DPP6: variants seen among roughly 807,000 people sequenced by gnomAD.
The protein encoded by DPP6 is A-type potassium channel modulatory protein DPP6.
A neutral mutation model predicts 122.6 loss-of-function variants in DPP6; 69 were observed. That is an observed-to-expected ratio of 0.56 (90% CI 0.46 to 0.69). The LOEUF is 0.69. DPP6 is among the 30% of genes least tolerant of loss of function. DPP6 has a pLI of 0.00. For synonymous variants in DPP6, 418 were observed against 433.1 expected, an observed-to-expected ratio of 0.97 and a Z score of 0.43; for missense variants, 928 against 1,116.9, an observed-to-expected ratio of 0.83 and a Z score of 2.41.
chr7:154,608,628 G>A (rs544260950), intron 5 of DPP6, among the ~76,000 whole-genome samples: 163 of 151,822 alleles, frequency 1.1e-3, no homozygotes, highest in Non-Finnish European at 1.6e-3. Flanking sequence ...GAGCCACTGC[G>A]CCCGGCCGAT....
intron 3 of DPP6, among the ~76,000 whole-genome samples, chr7:154,531,299 T>C (rs183416260): frequency 4.6e-5 from 7 of 152,288 alleles, no homozygotes; most frequent in African/African-American, 1.4e-4. Context: ...TAATACGCTC[T>C]GGGAAATAAT....
At chr7:154,406,782 A>G (rs1816152996) in intron 1 of DPP6, among the ~76,000 whole-genome samples, 1 of 152,228 alleles carries the variant, frequency 6.6e-6, no homozygotes, top group African/African-American at 2.4e-5. Context: ...CTACCTTTGC[A>G]AAACACCATT....
intron 8 of DPP6, among the ~76,000 whole-genome samples, chr7:154,762,123 C>A (rs892254470): frequency 1.3e-5 from 2 of 152,130 alleles, no homozygotes; most frequent in Non-Finnish European, 2.9e-5. Flanking sequence ...CACCTGGCCC[C>A]GACTCTAGTA....
At chr7:153,825,200 G>T in the DPP6 span, among the ~76,000 whole-genome samples, 1 of 152,094 alleles carries the variant, frequency 6.6e-6, no homozygotes, top group African/African-American at 2.4e-5. Context: ...TCTCTTTCCT[G>T]TGCTCGTCTG....
intron 1 of DPP6, among the ~76,000 whole-genome samples, chr7:154,171,921 C>G (rs771902399): frequency 9.9e-5 from 15 of 152,152 alleles, no homozygotes; most frequent in East Asian, 5.8e-4. Context: ...AGTGTATTTT[C>G]CACTGGTAGT....
intron 2 of DPP6, among the ~76,000 whole-genome samples, chr7:154,469,453 C>A (rs796772521): frequency 6.6e-6 from 1 of 152,138 alleles, no homozygotes; most frequent in African/African-American, 2.4e-5. Context: ...GGCTTCCTTC[C>A]GTCTCTAGGG....
intron 1 of DPP6, among the ~76,000 whole-genome samples, chr7:154,339,717 T>C (rs961318172): frequency 2.0e-5 from 3 of 152,146 alleles, no homozygotes; most frequent in Non-Finnish European, 4.4e-5. Flanking sequence ...GGTATGAAAG[T>C]GGCATATTTT....
intron 3 of DPP6, among the ~76,000 whole-genome samples, chr7:154,524,685 A>G (rs909519098): frequency 1.3e-5 from 2 of 152,166 alleles, no homozygotes; most frequent in Admixed American, 6.5e-5. Context: ...AGAGCTTTTT[A>G]AGCACCAGCC....
At chr7:154,128,133 C>T (rs1808073351) in intron 1 of DPP6, among the ~76,000 whole-genome samples, 1 of 150,712 alleles carries the variant, frequency 6.6e-6, no homozygotes, top group Admixed American at 6.6e-5. Flanking sequence ...CTGCCCCATG[C>T]ATGACTTGCC....
chr7:153,880,897 T>C, the DPP6 span, among the ~76,000 whole-genome samples: 4 of 152,356 alleles, frequency 2.6e-5, no homozygotes, highest in South Asian at 8.3e-4. Context: ...TCTTTCACTC[T>C]TAGTCTACTC....
chr7:154,235,726 A>G (rs2150861440), intron 1 of DPP6, among the ~76,000 whole-genome samples: 1 of 152,356 alleles, frequency 6.6e-6, no homozygotes, highest in Admixed American at 6.5e-5. Flanking sequence ...ACCAACTCGA[A>G]GTGATAATTA....
At chr7:154,346,020 A>G (rs1016803585) in intron 1 of DPP6, among the ~76,000 whole-genome samples, 1 of 152,146 alleles carries the variant, frequency 6.6e-6, no homozygotes, top group East Asian at 1.9e-4. Context: ...TCTGTTACGT[A>G]TCAGCAAATG....
chr7:154,239,687 G>T (rs1004644481), intron 1 of DPP6, among the ~76,000 whole-genome samples: 1 of 151,802 alleles, frequency 6.6e-6, no homozygotes, highest in African/African-American at 2.4e-5. Flanking sequence ...TTACACAAGG[G>T]CTGGGCTGGG....
At chr7:154,879,693 G>A (rs1021379553) in intron 20 of DPP6, among the ~76,000 whole-genome samples, 8 of 151,804 alleles carry the variant, frequency 5.3e-5, no homozygotes, top group African/African-American at 1.7e-4. Flanking sequence ...CAGAGGTTGC[G>A]GTGAGCCACG....
At chr7:154,574,813 ATG>A (rs1831416093) in intron 5 of DPP6, among the ~76,000 whole-genome samples, 1 of 47,034 alleles carries the variant, frequency 2.1e-5, no homozygotes, top group Non-Finnish European at 4.0e-5. Context: ...TGTGTGTGTG[ATG>A]TGTTTGTGTG....
At chr7:154,455,782 G>T (rs1238930123) in intron 2 of DPP6, among the ~76,000 whole-genome samples, 1 of 152,118 alleles carries the variant, frequency 6.6e-6, no homozygotes, top group Non-Finnish European at 1.5e-5. Flanking sequence ...AGGCAAATGG[G>T]TCTACATATT....
At chr7:154,511,058 C>T (rs1274088834) in intron 3 of DPP6, among the ~76,000 whole-genome samples, 2 of 151,898 alleles carry the variant, frequency 1.3e-5, no homozygotes, top group East Asian at 3.9e-4. Flanking sequence ...TGCATGTTCT[C>T]CAGTAAGGAA....
At chr7:153,820,720 A>C in the DPP6 span, among the ~76,000 whole-genome samples, 2 of 152,146 alleles carry the variant, frequency 1.3e-5, no homozygotes, top group Non-Finnish European at 2.9e-5. Flanking sequence ...GATAATGAGC[A>C]AGTTTCTTCC....
At chr7:154,452,086 C>T (rs909439191) in intron 2 of DPP6, among the ~76,000 whole-genome samples, 5 of 152,192 alleles carry the variant, frequency 3.3e-5, no homozygotes, top group Admixed American at 6.5e-5. Flanking sequence ...AGTGTCACCT[C>T]GACAGAGAAT....
Sources: allele counts gnomAD v4.1 joint callset (sites outside exome capture counted in the v4.1 genomes callset), GRCh38; gene constraint gnomAD v4.1.1; transcripts MANE v1.5; gene names NCBI Gene and HGNC (gene_info 2026-07-23, HGNC 2026-07-21).